The following KLHL29 variants were observed in gnomAD, a reference collection of about 807,000 sequenced individuals.
KLHL29 encodes the protein kelch like family member 29.
A neutral mutation model predicts 80.4 loss-of-function variants in KLHL29; 21 were observed. The ratio of observed to expected loss-of-function variants is 0.26; its 90% CI spans 0.19 to 0.38. The LOEUF is 0.38. Ranked by LOEUF, KLHL29 falls within the 10% of genes least tolerant of loss-of-function variation. KLHL29 has a pLI of 1.00. For missense variants in KLHL29, 867 were observed against 1,223.9 expected, an observed-to-expected ratio of 0.71 and a Z score of 4.35; for synonymous variants, 511 against 526.8, an observed-to-expected ratio of 0.97 and a Z score of 0.41.
In KLHL29 at chr2:23,703,364, G is replaced by A; in HGVS notation, c.2284G>A (p.Glu762Lys). ...VPQTNTWSFI[E>K]SPMIDNKYAP... is the part of the protein sequence containing the mutation. ...TCAGACCAACACGTGGAGCTTCATC[G>A]AGTCCCCAATGATTGGTGAGAACCA... The change falls in exon 12 of 14, where the codon GAG becomes AAG. Residue 762 changes from glutamate (E) to lysine (K), a missense_variant. Physicochemically the swap from Glu to Lys is moderately conservative, Grantham distance 56. Around this residue, in one of 2 missense-constraint regions of KLHL29, gnomAD observed 443 missense variants for 767.0 expected, o/e 0.58. Transcript: ENST00000486442. The A allele has an allele frequency of 6.6e-7, 1 of 1,508,778 alleles. No individual in the cohort carries two copies. The highest frequency in any genetic ancestry group is 8.8e-7 in the Non-Finnish European group (1 of 1,130,008). The allele number at this position is 1,508,778 out of a possible 1,614,324, so 93.5% of individuals were successfully genotyped here.
chr2:23,510,842 C>A (rs929634258), intron 2 of KLHL29, among the ~76,000 whole-genome samples: 1 of 152,198 alleles, frequency 6.6e-6, no homozygotes, highest in African/African-American at 2.4e-5. Context: ...CGAGTCAGGA[C>A]TGGCAGGCTT....
At chr2:23,605,084 G>A (rs1010398526) in intron 3 of KLHL29, among the ~76,000 whole-genome samples, 2 of 150,032 alleles carry the variant, frequency 1.3e-5, no homozygotes, top group Non-Finnish European at 1.5e-5. Context: ...GGGCAGCGTG[G>A]CCCTGTTCTT....
chr2:23,509,087 C>T (rs938149266), intron 2 of KLHL29, among the ~76,000 whole-genome samples: 1 of 152,198 alleles, frequency 6.6e-6, no homozygotes, highest in Non-Finnish European at 1.5e-5. Context: ...TAAAATAAAA[C>T]GTCCATCAGC....
At chr2:23,638,880 C>G (rs1356776242) in intron 3 of KLHL29, among the ~76,000 whole-genome samples, 1 of 152,152 alleles carries the variant, frequency 6.6e-6, no homozygotes, top group Non-Finnish European at 1.5e-5. Flanking sequence ...CGGAGGGTGA[C>G]AAGGGAGGCA....
chr2:23,580,623 C>T lies in KLHL29; in HGVS notation c.285+18142C>T, dbSNP rs375692039. 2.3e-3 allele frequency among the ~76,000 whole-genome samples: 135 copies of T among 59,630 alleles called. 4 individuals are homozygous for T. The highest frequency in any genetic ancestry group is 5.4e-3 in the African/African-American group (133 of 24,578). 39.1% of individuals were successfully genotyped at this position (59,630 alleles called of 152,430 possible). On this transcript the variant is annotated intron_variant, in intron 3 of 13. Coordinates refer to ENST00000486442, the MANE Select transcript of KLHL29 (RefSeq NM_052920.2). ...CCAGGAGGAGGAGGTTGCAGTGAGC[C>T]GAGATCACGCCACTGCACTCCAGCC...
At chr2:23,419,190 C>T (rs1026065865) in intron 1 of KLHL29, among the ~76,000 whole-genome samples, 1 of 152,242 alleles carries the variant, frequency 6.6e-6, no homozygotes, top group Non-Finnish European at 1.5e-5. Flanking sequence ...GAAGAGCTTC[C>T]ATAAGGTCAC....
Position 23,410,010 on chromosome 2 carries a change from T to A in KLHL29, c.-154+24230T>A, listed in dbSNP as rs946635926. Among the ~76,000 whole-genome samples, 5 of 151,928 alleles carry A rather than the reference T, an allele frequency of 3.3e-5. No homozygotes were observed. In the South Asian group the frequency reaches 1.0e-3, roughly 32 times the overall value. The stretch of plus-strand genomic sequence containing the variant: ...AGAGAGTATGGTGCCTTCAAGGAGA[T>A]GCGAAAAGGTCAGAGAAACTGGCAT... On this transcript the variant is annotated intron_variant, in intron 1 of 13. Coordinates refer to ENST00000486442, the MANE Select transcript of KLHL29 (RefSeq NM_052920.2).
At chr2:23,483,907 G>A (rs1048694383) in intron 2 of KLHL29, among the ~76,000 whole-genome samples, 10 of 152,152 alleles carry the variant, frequency 6.6e-5, no homozygotes, top group Non-Finnish European at 1.2e-4. Context: ...AAAGCTCTCA[G>A]CAAGTATCAA....
intron 1 of KLHL29, among the ~76,000 whole-genome samples, chr2:23,456,601 C>A (rs1040108468): frequency 3.3e-5 from 5 of 152,272 alleles, no homozygotes; most frequent in African/African-American, 1.2e-4. Flanking sequence ...CCCGCGCCAG[C>A]TCTGCGGGGT....
chr2:23,562,255 A>G lies in KLHL29; in HGVS notation c.59A>G (p.Glu20Gly). ...RDYRVGWDRR[E>G]WSVNGTHGTT... ...TACCGGGTGGGCTGGGACCGCCGCG[A>G]ATGGAGCGTCAACGGGACGCATGGG... The change falls in exon 3 of 14, where the codon GAA becomes GGA. Residue 20 changes from glutamate (E) to glycine (G), a missense_variant. Glu to Gly is a moderately conservative substitution (Grantham distance 98). Coordinates refer to ENST00000486442, the MANE Select transcript of KLHL29 (RefSeq NM_052920.2). The surrounding 1 kb of genome is among the most constrained non-coding windows in gnomAD (Gnocchi z 4.5). 1 of 1,550,460 alleles carries G rather than the reference A, an allele frequency of 6.4e-7. No individual in the cohort carries two copies. The highest frequency in any genetic ancestry group is 1.2e-5 in the South Asian group (1 of 84,012).
At chr2:23,424,175 A>C (rs939952264) in intron 1 of KLHL29, among the ~76,000 whole-genome samples, 2 of 152,238 alleles carry the variant, frequency 1.3e-5, no homozygotes, top group Non-Finnish European at 2.9e-5. Flanking sequence ...CTGCTATCAA[A>C]GGTGGGAAAT....
At chr2:23,698,971 T>TGCCA (rs1672181572) in intron 11 of KLHL29, among the ~76,000 whole-genome samples, 1 of 152,254 alleles carries the variant, frequency 6.6e-6, no homozygotes, top group African/African-American at 2.4e-5. Flanking sequence ...TTTGGAACCC[T>TGCCA]GCCATATTGG....
At chr2:23,646,898 G>A (rs1014440323) in intron 5 of KLHL29, among the ~76,000 whole-genome samples, 5 of 152,214 alleles carry the variant, frequency 3.3e-5, no homozygotes, top group Admixed American at 3.3e-4. Flanking sequence ...GGGCCTCAGG[G>A]AGGATTGAGT....
At chr2:23,487,558 TG>T (rs1183741402) in intron 2 of KLHL29, among the ~76,000 whole-genome samples, 1 of 152,102 alleles carries the variant, frequency 6.6e-6, no homozygotes, top group African/African-American at 2.4e-5. Flanking sequence ...CCTCCTCTCC[TG>T]CCATGCCATC....
In KLHL29 at chr2:23,521,149, G is replaced by A. The variant is rs115520825; in HGVS notation, c.-45-41003G>A. 3.4e-3 allele frequency among the ~76,000 whole-genome samples: 522 copies of A among 152,294 alleles called. 3 individuals carry two copies. The highest frequency in any genetic ancestry group is 0.012 in the African/African-American group (505 of 41,558). On this transcript the variant is annotated intron_variant, in intron 2 of 13. Coordinates refer to ENST00000486442, the MANE Select transcript of KLHL29 (RefSeq NM_052920.2). ...ATCTGCCCCCTGCCTGCCATGTGGT[G>A]TGGGATACATGCAGGAGGTATCCTG...
At chr2:23,422,514 G>A (rs4665210) in intron 1 of KLHL29, among the ~76,000 whole-genome samples, 76,050 of 151,106 alleles carry the variant, frequency 0.5, 21,067 homozygotes, top group African/African-American at 0.76. Flanking sequence ...TGTGTTATGT[G>A]TGTCTCTGTG....
At chr2:23,602,902 G>T (rs540820205) in intron 3 of KLHL29, among the ~76,000 whole-genome samples, 1 of 152,274 alleles carries the variant, frequency 6.6e-6, no homozygotes, top group African/African-American at 2.4e-5. Flanking sequence ...GCAGGAGAGG[G>T]TCTGCTCAGC....
intron 2 of KLHL29, among the ~76,000 whole-genome samples, chr2:23,516,095 G>C (rs187913706): frequency 6.6e-6 from 1 of 152,190 alleles, no homozygotes; most frequent in Non-Finnish European, 1.5e-5. Context: ...AGCTTAGAAG[G>C]GTTCTCTGAG....
At chr2:23,390,313 C>T (rs959316642) in intron 1 of KLHL29, among the ~76,000 whole-genome samples, 1 of 152,094 alleles carries the variant, frequency 6.6e-6, no homozygotes, top group African/African-American at 2.4e-5. Flanking sequence ...CAGAGACTCT[C>T]GACTGTGCAG....
Sources: gnomAD v4.1 joint callset for allele counts (sites outside exome capture counted in the v4.1 genomes callset) on GRCh38, gnomAD v4.1.1 for gene constraint, gnomAD v4.1.1 regional missense constraint, Gnocchi (gnomAD v3.1) non-coding constraint, MANE v1.5 for transcripts, NCBI Gene and HGNC (gene_info 2026-07-23, HGNC 2026-07-21) for gene names.